The following PIGB variants were observed in gnomAD, a reference collection of about 807,000 sequenced individuals.
PIGB encodes phosphatidylinositol glycan anchor biosynthesis class B.
A neutral mutation model predicts 68.4 loss-of-function variants in PIGB; 58 were observed. The ratio of observed to expected loss-of-function variants is 0.85; its 90% CI spans 0.69 to 1.06. The LOEUF is 1.06. Among genes scored for constraint, PIGB ranks in the 50% least tolerant of loss-of-function variants. The pLI is 0.00. For synonymous variants in PIGB, 219 were observed against 220.5 expected (o/e 0.99, Z 0.06); for missense variants, 634 against 655.8 (o/e 0.97, Z 0.36).
chr15:55,327,418 G>A lies in PIGB; in HGVS notation c.418-113G>A, dbSNP rs536809248. ...ATAGAAAAATATATTGCCTATTTTT[G>A]TACTAAGAATGGCTTCCCATAGATA... On this transcript the variant is annotated intron_variant, in intron 3 of 11. Coordinates refer to ENST00000164305, the MANE Select transcript of PIGB (RefSeq NM_004855.5). 31 of 647,046 alleles carry A rather than the reference G, an allele frequency of 4.8e-5. No homozygotes were observed. In the African/African-American group the frequency reaches 5.0e-4, roughly 10 times the overall value. 40.1% of individuals were successfully genotyped at this position (647,046 alleles called of 1,614,324 possible).
In PIGB at chr15:55,321,382, C is replaced by G. The variant is rs760688278; in HGVS notation, c.409C>G (p.Gln137Glu). 6.3e-6 allele frequency: 10 copies of G among 1,594,584 alleles called. No individual in the cohort carries two copies. The highest frequency in any genetic ancestry group is 5.7e-5 in the South Asian group (5 of 87,138). ...TCATCTTTTAGGGAAAGATAGTGTTCAGTTGCTGGTAAGTTTAAATAAAAG... is the reference window on the plus strand; with the variant it reads ...TCATCTTTTAGGGAAAGATAGTGTTGAGTTGCTGGTAAGTTTAAATAAAAG... ...ILHLLGKDSVQLLIWIPRLAQ... is the reference protein window; with the variant it reads ...ILHLLGKDSVELLIWIPRLAQ... Residue 137 changes from glutamine to glutamate, a missense_variant, in exon 3 of 12, where the codon CAG (glutamine) becomes GAG (glutamate). Physicochemically the swap from Gln to Glu is conservative, Grantham distance 29. Transcript: ENST00000164305.
At chr15:55,331,490 G>C (rs564391275) in intron 5 of PIGB, among the ~76,000 whole-genome samples, 6 of 152,224 alleles carry the variant, frequency 3.9e-5, no homozygotes, top group African/African-American at 1.4e-4. Flanking sequence ...GAGACGGGTG[G>C]ATCACTTGAG....
intron 10 of PIGB, among the ~76,000 whole-genome samples, chr15:55,352,324 T>C: frequency 6.6e-6 from 1 of 152,228 alleles, no homozygotes; most frequent in East Asian, 1.9e-4. Context: ...CTAGATGATA[T>C]TCTAATGCTT....
rs1015360368 is a variant in PIGB at position 55,350,899 on chromosome 15, A to C, written c.1324A>C (p.Thr442Pro). ...ATTTATAATGATGCCTTGCCACTCT[A>C]CTCCTTATTACAGGTAATAAAAGAT... ...SIFIMMPCHS[T>P]PYYSHVHCPL... Residue 442 changes from threonine (T) to proline (P), a missense_variant, in exon 10 of 12, where the codon ACT becomes CCT. Thr to Pro is a conservative substitution (Grantham distance 38, BLOSUM62 -1). Coordinates refer to ENST00000164305, the MANE Select transcript of PIGB (RefSeq NM_004855.5). 6.4e-7 allele frequency: 1 copy of C among 1,552,596 alleles called. No individual in the cohort carries two copies. Among genetic ancestry groups the C allele is most frequent in the Admixed American group, 1.7e-5 (1 of 59,108 alleles).
chr15:55,341,670 A>G, intron 8 of PIGB, 68 bp from the exon 9 acceptor site: 1 of 539,056 alleles, frequency 1.9e-6, no homozygotes. Context: ...TATTAAATAT[A>G]TTACTTTCTC....
At chr15:55,350,092 A>G (rs891086239) in intron 9 of PIGB, 17 of 152,154 alleles carry the variant, frequency 1.1e-4, no homozygotes, top group Admixed American at 7.9e-4. Context: ...ATTGTTCAGC[A>G]TCTCCAAATT....
chr15:55,332,658 C>T (rs1438498331), intron 5 of PIGB, among the ~76,000 whole-genome samples: 1 of 152,188 alleles, frequency 6.6e-6, no homozygotes, highest in Non-Finnish European at 1.5e-5. Context: ...CAGGCCTGAG[C>T]CACCACACCT....
At chr15:55,333,824 A>G in intron 5 of PIGB, 43 bp from the exon 6 acceptor site, 2 of 1,436,444 alleles carry the variant, frequency 1.4e-6, no homozygotes, top group Non-Finnish European at 1.9e-6. Context: ...GATAACTTCA[A>G]GTTAATTTCC....
intron 10 of PIGB, among the ~76,000 whole-genome samples, chr15:55,353,839 CA>C (rs2055989883): frequency 6.6e-6 from 1 of 151,770 alleles, no homozygotes; most frequent in South Asian, 2.1e-4. Flanking sequence ...TCCTGACCTC[CA>C]GTGATCCACA....
chr15:55,348,300 A>G (rs2055847723), intron 9 of PIGB: 1 of 152,224 alleles, frequency 6.6e-6, no homozygotes, highest in African/African-American at 2.4e-5. Flanking sequence ...TGAACAAATT[A>G]TTAATAAGTG....
At chr15:55,355,217 C>A in intron 11 of PIGB, 69 bp from the exon 12 acceptor site, 1 of 1,275,996 alleles carries the variant, frequency 7.8e-7, no homozygotes, top group Admixed American at 2.4e-5. Context: ...ATAGGCAATT[C>A]TAAAATTGAC....
intron 9 of PIGB, among the ~76,000 whole-genome samples, chr15:55,342,348 C>G (rs573963919): frequency 2.7e-4 from 41 of 152,272 alleles, no homozygotes; most frequent in South Asian, 1.2e-3. Flanking sequence ...CTTTTACACA[C>G]AAAACATTTA....
At chr15:55,320,826 C>T (rs939628860) in intron 2 of PIGB, among the ~76,000 whole-genome samples, 1 of 152,070 alleles carries the variant, frequency 6.6e-6, no homozygotes, top group African/African-American at 2.4e-5. Flanking sequence ...TTCAGTTTTC[C>T]GTATTTTCCC....
Position 55,329,823 on chromosome 15 carries a change from T to C in PIGB, c.622T>C (p.Tyr208His), listed in dbSNP as rs906576350. The C allele has an allele frequency of 1.3e-6, 2 of 1,599,714 alleles. No individual in the cohort carries two copies. Among genetic ancestry groups the C allele is most frequent in the African/African-American group, 2.7e-5 (2 of 74,606 alleles). The change falls in exon 5 of 12, where the codon TAT (tyrosine) becomes CAT (histidine). Residue 208 changes from tyrosine (Y) to histidine (H), a missense_variant. Physicochemically the swap from Tyr to His is moderately conservative, Grantham distance 83. Coordinates refer to ENST00000164305, the MANE Select transcript of PIGB (RefSeq NM_004855.5). ...TCTCACTATAATTGCTCTTTTCTACTATCCTTTGGAAGGTTCAAAGTCTAT... is the reference window on the plus strand; with the variant it reads ...TCTCACTATAATTGCTCTTTTCTACCATCCTTTGGAAGGTTCAAAGTCTAT... ...TVLTIIALFY[Y>H]PLEGSKSMNS...
chr15:55,344,910 T>G (rs530495816), intron 9 of PIGB, among the ~76,000 whole-genome samples: 338 of 146,840 alleles, frequency 2.3e-3, no homozygotes, highest in African/African-American at 8.2e-3. Flanking sequence ...TTTTTTTTTT[T>G]TTTGAGACAG....
rs1171377380 is a variant in PIGB at position 55,319,250 on chromosome 15, G to T, written c.-1G>T. The T allele has an allele frequency of 6.2e-7, 1 of 1,604,680 alleles. No homozygotes were observed. The stretch of plus-strand genomic sequence containing the variant: ...CCGCCTTAGGAAGGTGGCGGCCAGG[G>T]ATGAGGAGGCCCCTAAGCAAGTGCG... On this transcript the variant is annotated 5_prime_UTR_variant, in exon 1 of 12. Transcript: ENST00000164305.
At chr15:55,335,863 G>A (rs1453334583) in intron 6 of PIGB, among the ~76,000 whole-genome samples, 1 of 152,080 alleles carries the variant, frequency 6.6e-6, no homozygotes, top group Non-Finnish European at 1.5e-5. Context: ...GAGATAGCAG[G>A]GGCTCAGTTC....
intron 3 of PIGB, among the ~76,000 whole-genome samples, chr15:55,323,572 G>C (rs2055213469): frequency 6.6e-6 from 1 of 152,160 alleles, no homozygotes; most frequent in Non-Finnish European, 1.5e-5. Context: ...TTTGAGAAGT[G>C]CTGAAAATGT....
chr15:55,340,637 T>C lies in PIGB; in HGVS notation c.872T>C (p.Leu291Ser). 1.2e-6 allele frequency: 2 copies of C among 1,611,864 alleles called. No homozygotes were observed. The change falls in exon 8 of 12, where the codon TTG becomes TCG. Residue 291 changes from leucine (L) to serine (S), a missense_variant. Physicochemically the swap from Leu to Ser is moderately radical, Grantham distance 145. Coordinates refer to ENST00000164305, the MANE Select transcript of PIGB (RefSeq NM_004855.5). ...GQWTLVQFNF[L>S]KFNVLQNWGT... Reference sequence around the variant, plus strand: ...TGGACTCTGGTTCAATTTAATTTTTTGAAATTTAACGTGCTGCAGAACTGG... The same window carrying C: ...TGGACTCTGGTTCAATTTAATTTTTCGAAATTTAACGTGCTGCAGAACTGG...
Sources: allele counts gnomAD v4.1 joint callset (sites outside exome capture counted in the v4.1 genomes callset), GRCh38; gene constraint gnomAD v4.1.1; transcripts MANE v1.5; gene names NCBI Gene and HGNC (gene_info 2026-07-23, HGNC 2026-07-21).